The following HS3ST5 variants were observed in gnomAD, a reference collection of about 807,000 sequenced individuals.
HS3ST5 encodes heparan sulfate glucosamine 3-O-sulfotransferase 5.
Under a neutral mutation model 25.4 loss-of-function variants are expected in HS3ST5, and 10 were observed. The ratio of observed to expected loss-of-function variants is 0.39; its 90% CI spans 0.24 to 0.67. HS3ST5 has a LOEUF of 0.67. Ranked by LOEUF, HS3ST5 falls within the 30% of genes least tolerant of loss-of-function variation. The pLI is 0.44. For synonymous variants in HS3ST5, 170 were observed against 162.4 expected, an observed-to-expected ratio of 1.05 and a Z score of -0.36; for missense variants, 324 against 420.7, an observed-to-expected ratio of 0.77 and a Z score of 2.01.
Position 114,110,518 on chromosome 6 carries a change from G to A in HS3ST5, c.-32-47641C>T, listed in dbSNP as rs574924925. Among the ~76,000 whole-genome samples the A allele has an allele frequency of 6.0e-4, 92 of 152,274 alleles. 1 individual carries two copies. Among genetic ancestry groups the A allele is most frequent in the African/African-American group, 2.0e-3 (83 of 41,542 alleles). ...TTACAAACCTCAAATTGTTAAATGTGAAAACTAGCCAGTAGAGGCCATTTG... is the reference window on the plus strand; with the variant it reads ...TTACAAACCTCAAATTGTTAAATGTAAAAACTAGCCAGTAGAGGCCATTTG... On this transcript the variant is annotated intron_variant, in intron 3 of 4. Coordinates refer to ENST00000312719, the MANE Select transcript of HS3ST5 (RefSeq NM_153612.4).
At chr6:114,130,971 A>T (rs1777302772) in intron 3 of HS3ST5, among the ~76,000 whole-genome samples, 1 of 152,062 alleles carries the variant, frequency 6.6e-6, no homozygotes, top group African/African-American at 2.4e-5. Flanking sequence ...AAATCCAGGA[A>T]CTCAAGGCTG....
At chr6:114,336,485 G>A (rs906084497) in intron 1 of HS3ST5, among the ~76,000 whole-genome samples, 2 of 152,204 alleles carry the variant, frequency 1.3e-5, no homozygotes, top group Admixed American at 6.5e-5. Context: ...GCACATGCCT[G>A]TAGTCCCAGC....
At chr6:114,288,583 G>T (rs1030119271) in intron 1 of HS3ST5, among the ~76,000 whole-genome samples, 2 of 152,006 alleles carry the variant, frequency 1.3e-5, no homozygotes, top group Non-Finnish European at 2.9e-5. Context: ...CTGAGCTGCT[G>T]TGCATAGGCA....
chr6:114,191,118 G>T (rs568259139), intron 2 of HS3ST5, among the ~76,000 whole-genome samples: 3 of 152,086 alleles, frequency 2.0e-5, no homozygotes, highest in African/African-American at 7.2e-5. Flanking sequence ...GAAAATATGG[G>T]ACAAAGAAAA....
At chr6:114,075,638 G>T (rs1774080541) in intron 3 of HS3ST5, among the ~76,000 whole-genome samples, 1 of 152,138 alleles carries the variant, frequency 6.6e-6, no homozygotes, top group African/African-American at 2.4e-5. Context: ...CATAAATTAT[G>T]TGCCTGATTC....
intron 1 of HS3ST5, among the ~76,000 whole-genome samples, chr6:114,294,775 T>C (rs891514692): frequency 1.3e-5 from 2 of 152,192 alleles, no homozygotes; most frequent in Non-Finnish European, 2.9e-5. Context: ...GTTAATACCA[T>C]GCAATGTTAT....
intron 2 of HS3ST5, among the ~76,000 whole-genome samples, chr6:114,205,827 C>T (rs1225083846): frequency 1.3e-5 from 2 of 152,146 alleles, no homozygotes; most frequent in East Asian, 3.8e-4. Context: ...GTGCAGTTCA[C>T]AATAGTGTTC....
At chr6:114,253,583 A>T (rs1772764718) in intron 1 of HS3ST5, among the ~76,000 whole-genome samples, 1 of 152,246 alleles carries the variant, frequency 6.6e-6, no homozygotes, top group African/African-American at 2.4e-5. Flanking sequence ...ACAGGAGAGC[A>T]GAGGAGGCTG....
chr6:114,199,566 T>C (rs1171986927), intron 2 of HS3ST5, among the ~76,000 whole-genome samples: 1 of 130,606 alleles, frequency 7.7e-6, no homozygotes, highest in East Asian at 2.3e-4. Context: ...GAGTTAACTA[T>C]TGTAAGGACA....
At chr6:114,222,976 C>T (rs551289639) in intron 2 of HS3ST5, among the ~76,000 whole-genome samples, 4 of 151,028 alleles carry the variant, frequency 2.6e-5, no homozygotes, top group Admixed American at 2.0e-4. Flanking sequence ...TTTTGGGCCA[C>T]GTGGTTGAGA....
intron 3 of HS3ST5, among the ~76,000 whole-genome samples, chr6:114,095,210 G>A (rs1775357856): frequency 6.6e-6 from 1 of 152,104 alleles, no homozygotes; most frequent in Non-Finnish European, 1.5e-5. Context: ...CTCTTTCATT[G>A]GCTGTATAAA....
chr6:114,195,610 G>T (rs1328437992), intron 2 of HS3ST5, among the ~76,000 whole-genome samples: 1 of 152,188 alleles, frequency 6.6e-6, no homozygotes, highest in Non-Finnish European at 1.5e-5. Context: ...TGAGAGGGGA[G>T]AAATCACACT....
intron 3 of HS3ST5, among the ~76,000 whole-genome samples, chr6:114,108,545 C>A (rs1053713691): frequency 5.3e-5 from 8 of 152,078 alleles, no homozygotes; most frequent in Non-Finnish European, 1.2e-4. Context: ...GAAGGGAAAC[C>A]CTTTCCTCTG....
intron 3 of HS3ST5, among the ~76,000 whole-genome samples, chr6:114,160,468 TC>T (rs1236306521): frequency 2.6e-4 from 39 of 151,894 alleles, no homozygotes; most frequent in Non-Finnish European, 4.6e-4. Context: ...AAATTCCCCC[TC>T]CCCCAACTAC....
intron 3 of HS3ST5, among the ~76,000 whole-genome samples, chr6:114,111,929 GACCTCCTTGA>G (rs1275981547): frequency 1.5e-3 from 234 of 152,084 alleles, no homozygotes; most frequent in African/African-American, 5.2e-3. Flanking sequence ...GAAATTTTCT[GACCTCCTTGA>G]GACCCATCAC....
intron 2 of HS3ST5, among the ~76,000 whole-genome samples, chr6:114,215,166 C>T (rs1440612858): frequency 6.6e-6 from 1 of 151,852 alleles, no homozygotes; most frequent in African/African-American, 2.4e-5. Flanking sequence ...ATTAGCCAGG[C>T]GTCGTGGCGG....
chr6:114,084,350 G>C, intron 3 of HS3ST5: 1 of 758,390 alleles, frequency 1.3e-6, no homozygotes, highest in South Asian at 1.3e-5. Flanking sequence ...GTGAACTCAG[G>C]AGCTGAATCA....
chr6:114,168,637 G>A (rs4945991), intron 2 of HS3ST5, among the ~76,000 whole-genome samples, 175 bp from the exon 3 acceptor site: 32,095 of 151,946 alleles, frequency 0.21, 3,468 homozygotes, highest in East Asian at 0.25. Context: ...GTCCTTTATT[G>A]AACAATTTGC....
intron 1 of HS3ST5, chr6:114,230,493 T>A (rs778124092): frequency 6.6e-6 from 1 of 152,146 alleles, no homozygotes; most frequent in Non-Finnish European, 1.5e-5. Context: ...CAGTTCAGGC[T>A]TTCACCATCT....
Sources: gnomAD v4.1 joint callset for allele counts (sites outside exome capture counted in the v4.1 genomes callset) on GRCh38, gnomAD v4.1.1 for gene constraint, MANE v1.5 for transcripts, NCBI Gene and HGNC (gene_info 2026-07-23, HGNC 2026-07-21) for gene names.